The following RGS20 variants were observed in gnomAD, a reference collection of about 807,000 sequenced individuals.
The protein encoded by RGS20 is regulator of G protein signaling 20.
Under a neutral mutation model 33.6 loss-of-function variants are expected in RGS20, and 30 were observed. The ratio of observed to expected loss-of-function variants is 0.89; its 90% confidence interval spans 0.67 to 1.21. The LOEUF is 1.21. RGS20 is among the 50% of genes most tolerant of loss of function. The pLI is 0.00. For missense variants in RGS20, 472 were observed against 502.4 expected (o/e 0.94, Z 0.58); for synonymous variants, 208 against 197.9 (o/e 1.05, Z -0.43).
chr8:53,863,113 G>A (rs959126079), intron 1 of RGS20, among the ~76,000 whole-genome samples: 18 of 151,962 alleles, frequency 1.2e-4, no homozygotes, highest in Non-Finnish European at 2.2e-4. Flanking sequence ...TCAGCCTCCC[G>A]AGTAGCTGGG....
chr8:53,903,776 A>G (rs967088509), intron 2 of RGS20, among the ~76,000 whole-genome samples: 23 of 152,234 alleles, frequency 1.5e-4, no homozygotes, highest in African/African-American at 4.8e-5. Context: ...CAGAAGGAGA[A>G]GCAGAGCAGA....
intron 3 of RGS20, among the ~76,000 whole-genome samples, chr8:53,943,016 G>A (rs1351880750): frequency 6.6e-6 from 1 of 151,750 alleles, no homozygotes; most frequent in African/African-American, 2.4e-5. Context: ...AAATTCATAT[G>A]CTAGAGGGAA....
At chr8:53,932,169 C>T (rs1449847530) in intron 2 of RGS20, among the ~76,000 whole-genome samples, 1 of 152,168 alleles carries the variant, frequency 6.6e-6, no homozygotes, top group African/African-American at 2.4e-5. Flanking sequence ...CCCGACCTTT[C>T]TCTCTGGCTG....
intron 2 of RGS20, among the ~76,000 whole-genome samples, chr8:53,897,432 C>T (rs554040590): frequency 4.3e-4 from 65 of 152,256 alleles, no homozygotes; most frequent in African/African-American, 1.5e-3. Context: ...TGGTAGGAAG[C>T]ATCAGTAGAA....
At chr8:53,853,497 A>G (rs137921127) in intron 1 of RGS20, among the ~76,000 whole-genome samples, 46 of 152,332 alleles carry the variant, frequency 3.0e-4, no homozygotes, top group African/African-American at 9.6e-4. Flanking sequence ...AGGTGAGGGT[A>G]GAAGGAAGCA....
At chr8:53,893,361 C>T (rs1299434304) in intron 2 of RGS20, among the ~76,000 whole-genome samples, 1 of 152,104 alleles carries the variant, frequency 6.6e-6, no homozygotes, top group Non-Finnish European at 1.5e-5. Context: ...TTAGATTCTA[C>T]TCTAAAGCTG....
At chr8:53,863,183 C>T (rs1811846350) in intron 1 of RGS20, among the ~76,000 whole-genome samples, 1 of 152,048 alleles carries the variant, frequency 6.6e-6, no homozygotes, top group Admixed American at 6.5e-5. Context: ...GACGGGGTCT[C>T]TCCATGTTGG....
chr8:53,938,310 G>A (rs1274586341), intron 2 of RGS20, among the ~76,000 whole-genome samples: 1 of 152,076 alleles, frequency 6.6e-6, no homozygotes, highest in African/African-American at 2.4e-5. Flanking sequence ...GAATGTTCTC[G>A]CTCATAAGTG....
At chr8:53,922,913 G>C (rs945994457) in intron 2 of RGS20, among the ~76,000 whole-genome samples, 17 of 152,054 alleles carry the variant, frequency 1.1e-4, no homozygotes, top group African/African-American at 4.1e-4. Flanking sequence ...CTCCTTCCTT[G>C]ACCTCCCAAA....
intron 4 of RGS20, among the ~76,000 whole-genome samples, chr8:53,949,993 C>T (rs905569998): frequency 1.3e-5 from 2 of 151,852 alleles, no homozygotes; most frequent in Non-Finnish European, 2.9e-5. Context: ...GCGCCCACCA[C>T]CATGCCCAGC....
chr8:53,876,171 A>G (rs1035390999), intron 1 of RGS20: 7 of 152,250 alleles, frequency 4.6e-5, no homozygotes, highest in Non-Finnish European at 7.3e-5. Flanking sequence ...TGTGACTTTA[A>G]TTCTAAAGAG....
At chr8:53,939,791 C>T (rs886608191) in intron 3 of RGS20, 67 bp downstream of exon 2, 2 of 1,466,802 alleles carry the variant, frequency 1.4e-6, no homozygotes, top group Non-Finnish European at 1.8e-6. Flanking sequence ...CTGACTGGGA[C>T]GTGGCACCCC....
chr8:53,911,732 G>A (rs756932943), intron 2 of RGS20, among the ~76,000 whole-genome samples: 23 of 152,156 alleles, frequency 1.5e-4, no homozygotes, highest in Non-Finnish European at 2.8e-4. Context: ...TCAGGGGTTC[G>A]AGATCAGCCT....
chr8:53,873,771 A>C (rs1812130380), intron 1 of RGS20, among the ~76,000 whole-genome samples: 1 of 152,128 alleles, frequency 6.6e-6, no homozygotes, highest in African/African-American at 2.4e-5. Flanking sequence ...AGTGCTATAG[A>C]AAAAAAACTG....
intron 2 of RGS20, among the ~76,000 whole-genome samples, chr8:53,905,369 T>C (rs1265845336): frequency 6.6e-6 from 1 of 152,204 alleles, no homozygotes; most frequent in Non-Finnish European, 1.5e-5. Flanking sequence ...GTATCAAACA[T>C]AGTGGAAATA....
At chr8:53,860,339 G>A (rs760461506) in intron 1 of RGS20, among the ~76,000 whole-genome samples, 4 of 152,112 alleles carry the variant, frequency 2.6e-5, no homozygotes, top group African/African-American at 4.8e-5. Context: ...ATATGATTTC[G>A]AATTCTCAAC....
At chr8:53,951,845 C>T (rs1201511673) in intron 4 of RGS20, among the ~76,000 whole-genome samples, 3 of 151,918 alleles carry the variant, frequency 2.0e-5, no homozygotes, top group Admixed American at 1.3e-4. Context: ...GGTGAAACTC[C>T]GTCTCTACTA....
In RGS20 at chr8:53,877,768, A is replaced by T. The variant is rs1485787619; in HGVS notation, c.166-1490A>T. Among the ~76,000 whole-genome samples, 1 of 152,212 alleles carries T rather than the reference A, an allele frequency of 6.6e-6. No homozygotes were observed. Among genetic ancestry groups the T allele is most frequent in the Non-Finnish European group, 1.5e-5 (1 of 68,032 alleles). On this transcript the variant is annotated intron_variant, in intron 1 of 5. Transcript: ENST00000297313. This position sits in a 1 kb window ranked among gnomAD's most constrained non-coding sequence, Gnocchi z 5.7. ...TACTCGGAAATGCAAACCGAGTTCA[A>T]CTCACCCAGGAGCAAACAAACGACA...
chr8:53,943,841 C>T (rs969739473), intron 3 of RGS20, among the ~76,000 whole-genome samples: 10 of 152,040 alleles, frequency 6.6e-5, no homozygotes, highest in South Asian at 2.1e-4. Context: ...ATGCAGAGAG[C>T]GTACCACTCA....
Sources: gnomAD v4.1 joint callset for allele counts (sites outside exome capture counted in the v4.1 genomes callset) on GRCh38, gnomAD v4.1.1 for gene constraint, Gnocchi (gnomAD v3.1) non-coding constraint, MANE v1.5 for transcripts, NCBI Gene and HGNC (gene_info 2026-07-23, HGNC 2026-07-21) for gene names.